NRCAM: variants seen among roughly 807,000 people sequenced by gnomAD.
NRCAM encodes neuronal cell adhesion molecule.
A neutral mutation model predicts 156.5 loss-of-function variants in NRCAM; 83 were observed. The ratio of observed to expected loss-of-function variants is 0.53; its 90% CI spans 0.44 to 0.64. The LOEUF is 0.64. NRCAM is among the 30% of genes least tolerant of loss of function. The probability of loss-of-function intolerance (pLI) is 0.00; values close to 1 mark genes in which losing one functional copy is unlikely to be tolerated. For synonymous variants in NRCAM, 538 were observed against 563.9 expected (o/e 0.95, Z 0.65); for missense variants, 1,417 against 1,597.3 (o/e 0.89, Z 1.92).
intron 11 of NRCAM, among the ~76,000 whole-genome samples, chr7:108,211,285 C>T (rs2084189324): frequency 1.3e-5 from 2 of 152,114 alleles, no homozygotes; most frequent in Admixed American, 1.3e-4. Flanking sequence ...CCACAGAGAT[C>T]CTTCAGGAGG....
At chr7:108,154,547 A>G (rs1393788739) in intron 32 of NRCAM, among the ~76,000 whole-genome samples, 1 of 106,784 alleles carries the variant, frequency 9.4e-6, no homozygotes, top group Non-Finnish European at 1.9e-5. Context: ...GGTGGAGGAG[A>G]GAATCAACAG....
intron 8 of NRCAM, among the ~76,000 whole-genome samples, chr7:108,228,525 T>C (rs115492650): frequency 2.6e-5 from 4 of 152,306 alleles, no homozygotes; most frequent in Admixed American, 6.5e-5. Context: ...TGTATGCAGA[T>C]AGGAATAACT....
intron 22 of NRCAM, among the ~76,000 whole-genome samples, chr7:108,183,980 T>G (rs1486264784): frequency 6.6e-6 from 1 of 152,152 alleles, no homozygotes; most frequent in Non-Finnish European, 1.5e-5. Context: ...CTAACAGACA[T>G]GTTAAACAAC....
At chr7:108,225,175 T>C (rs955898848) in intron 10 of NRCAM, among the ~76,000 whole-genome samples, 2 of 152,206 alleles carry the variant, frequency 1.3e-5, no homozygotes, top group African/African-American at 4.8e-5. Context: ...GAAATCTCAT[T>C]GCTAATTATA....
chr7:108,283,651 T>C (rs554507473), intron 3 of NRCAM, among the ~76,000 whole-genome samples: 116 of 152,298 alleles, frequency 7.6e-4, no homozygotes, highest in African/African-American at 2.7e-3. Context: ...AGAATGATAT[T>C]ATCTACCGTG....
At chr7:108,377,807 C>A (rs2099682496) in intron 2 of NRCAM, among the ~76,000 whole-genome samples, 1 of 151,958 alleles carries the variant, frequency 6.6e-6, no homozygotes, top group African/African-American at 2.4e-5. Flanking sequence ...TGGAAAAATA[C>A]AAAAGCCATG....
At chr7:108,184,871 T>A (rs1484834823) in intron 20 of NRCAM, among the ~76,000 whole-genome samples, 1 of 152,102 alleles carries the variant, frequency 6.6e-6, no homozygotes. Context: ...CAAAAAAAAT[T>A]TGACCACCTT....
chr7:108,424,482 A>G (rs1290147323), intron 1 of NRCAM, among the ~76,000 whole-genome samples: 1 of 152,254 alleles, frequency 6.6e-6, no homozygotes, highest in Non-Finnish European at 1.5e-5. Flanking sequence ...CTATCAGGCA[A>G]GAAAGCAAAG....
intron 32 of NRCAM, chr7:108,156,170 T>C (rs1216507988): frequency 1.8e-5 from 6 of 325,116 alleles, no homozygotes; most frequent in Non-Finnish European, 2.6e-5. Flanking sequence ...CTAATGTATA[T>C]AACGAATGTG....
intron 2 of NRCAM, among the ~76,000 whole-genome samples, chr7:108,345,928 A>G (rs1861636): frequency 0.58 from 88,203 of 152,102 alleles, 26,063 homozygotes; most frequent in East Asian, 0.82. Flanking sequence ...TCGATGGCAG[A>G]GAGCAGATAA....
rs772643683 is a variant in NRCAM, at chr7:108,234,669, G to A, written c.144C>T (p.Ile48=). Residue 48 remains isoleucine, a synonymous_variant, in exon 6 of 33, where the codon ATC becomes ATT. Coordinates refer to ENST00000379028, the MANE Select transcript of NRCAM (RefSeq NM_001037132.4). ...LLEDLVQPPT[I]TQQSPKDYII... ...TGTAATCTTTTGGAGACTGTTGGGT[G>A]ATGGTTGGAGGCTGTACCACTTAAT... 6.2e-7 allele frequency: 1 copy of A among 1,608,046 alleles called. No homozygotes were observed. The highest frequency in any genetic ancestry group is 2.2e-5 in the East Asian group (1 of 44,834).
At position 108,237,696 on chromosome 7, in the gene NRCAM, A is replaced by G. The variant is rs2095201280; in HGVS notation, c.124+56T>C. On this transcript the variant is annotated intron_variant, in intron 5 of 32. Coordinates refer to ENST00000379028, the MANE Select transcript of NRCAM (RefSeq NM_001037132.4). Reference sequence around the variant, plus strand: ...TTTAAATCACAATATTAATTCAAAAAGCAAAGACATGGTCACATTTTCACA... The same window carrying G: ...TTTAAATCACAATATTAATTCAAAAGGCAAAGACATGGTCACATTTTCACA... 9 of 1,364,542 alleles carry G rather than the reference A, an allele frequency of 6.6e-6. No individual in the cohort carries two copies. In the South Asian group the frequency reaches 1.4e-4, roughly 21 times the overall value. The allele number at this position is 1,364,542 out of a possible 1,614,324, so 84.5% of individuals were successfully genotyped here. A position where few individuals can be genotyped will look rare whatever the true frequency, so the allele number is the denominator to read the frequency against.
intron 2 of NRCAM, among the ~76,000 whole-genome samples, chr7:108,384,039 C>G (rs1270779561): frequency 6.6e-6 from 1 of 151,954 alleles, no homozygotes; most frequent in Non-Finnish European, 1.5e-5. Context: ...TAAGTGGGAG[C>G]TAAATGATAA....
At chr7:108,398,895 G>A (rs2099784179) in intron 2 of NRCAM, among the ~76,000 whole-genome samples, 1 of 144,196 alleles carries the variant, frequency 6.9e-6, no homozygotes, top group Non-Finnish European at 1.6e-5. Flanking sequence ...GAACTGAACT[G>A]AAAATAAATG....
At chr7:108,277,635 T>C (rs557153663) in intron 3 of NRCAM, among the ~76,000 whole-genome samples, 2 of 152,256 alleles carry the variant, frequency 1.3e-5, no homozygotes, top group African/African-American at 4.8e-5. Context: ...TAGCCATTCA[T>C]CTAAGCTTTT....
intron 2 of NRCAM, among the ~76,000 whole-genome samples, chr7:108,392,700 T>G (rs1159658083): frequency 1.3e-5 from 2 of 152,198 alleles, no homozygotes; most frequent in Non-Finnish European, 2.9e-5. Flanking sequence ...CTTTGTGGTT[T>G]TATCTACCTT....
chr7:108,319,674 G>A (rs763706427), intron 2 of NRCAM, among the ~76,000 whole-genome samples: 5 of 152,296 alleles, frequency 3.3e-5, no homozygotes, highest in Admixed American at 6.5e-5. Context: ...GATGGGAACC[G>A]GCTTTGTCAA....
chr7:108,359,761 C>T (rs1350582063), intron 2 of NRCAM, among the ~76,000 whole-genome samples: 1 of 152,130 alleles, frequency 6.6e-6, no homozygotes, highest in Non-Finnish European at 1.5e-5. Flanking sequence ...TCTTCAGTGT[C>T]CAGTTTGATG....
intron 3 of NRCAM, among the ~76,000 whole-genome samples, chr7:108,266,051 A>G (rs1177741850): frequency 6.6e-6 from 1 of 151,990 alleles, no homozygotes; most frequent in African/African-American, 2.4e-5. Flanking sequence ...TTTTTCATAA[A>G]TTTTTTCTTT....
Sources: gnomAD v4.1 joint callset for allele counts (sites outside exome capture counted in the v4.1 genomes callset) on GRCh38, gnomAD v4.1.1 for gene constraint, MANE v1.5 for transcripts, NCBI Gene and HGNC (gene_info 2026-07-23, HGNC 2026-07-21) for gene names.